CHKB: variants seen among roughly 807,000 people sequenced by gnomAD.
The protein encoded by CHKB is choline kinase beta.
A neutral mutation model predicts 57.3 loss-of-function variants in CHKB; 45 were observed. The observed-to-expected ratio is 0.79, with a 90% CI of 0.62 to 1.01. The LOEUF is 1.01. Ranked by LOEUF, CHKB falls within the 50% of genes least tolerant of loss-of-function variation. The probability of loss-of-function intolerance (pLI) is 0.00; values close to 1 mark genes in which losing one functional copy is unlikely to be tolerated. For missense variants in CHKB, 517 were observed against 502.8 expected (o/e 1.03, Z -0.27); for synonymous variants, 224 against 201.8 (o/e 1.11, Z -0.93).
chr22:50,582,456 C>G, intron 1 of CHKB, 99 bp from the exon 2 acceptor site: 1 of 1,463,692 alleles, frequency 6.8e-7, no homozygotes, highest in East Asian at 2.9e-5. Context: ...GCCCCAGGCG[C>G]GGGCGCAAGA....
Position 50,579,967 on chromosome 22 carries a change from C to A in CHKB, c.927+7G>T. The A allele has an allele frequency of 6.2e-7, 1 of 1,613,630 alleles. No homozygotes were observed. Among genetic ancestry groups the A allele is most frequent in the South Asian group, 1.1e-5 (1 of 91,072 alleles). On this transcript the variant is annotated splice_region_variant and intron_variant, in intron 8 of 10. Transcript: ENST00000406938. ...GGGTCCTGCTCCCCAGCCTCTGGCC[C>A]ACATACCTGCTGTTCTTGAGTGGGG...
Position 50,582,233 on chromosome 22 carries a change from C to A in CHKB, c.333+16G>T. The stretch of plus-strand genomic sequence containing the variant: ...CCCTAAAGCCACTGGTGCTGCGGCG[C>A]TCACACCCCCCTCACCTGCAAGATG... On this transcript the variant is annotated intron_variant, in intron 2 of 10. Coordinates refer to ENST00000406938, the MANE Select transcript of CHKB (RefSeq NM_005198.5). The A allele has an allele frequency of 6.4e-7, 1 of 1,567,044 alleles. No homozygotes were observed.
At position 50,579,963 on chromosome 22, in the gene CHKB, G is replaced by C; in HGVS notation, c.927+11C>G. 1 of 1,612,804 alleles carries C rather than the reference G, an allele frequency of 6.2e-7. No homozygotes were observed. On this transcript the variant is annotated intron_variant, in intron 8 of 10. Coordinates refer to ENST00000406938, the MANE Select transcript of CHKB (RefSeq NM_005198.5). ...GGATGGGTCCTGCTCCCCAGCCTCT[G>C]GCCCACATACCTGCTGTTCTTGAGT...
In CHKB at chr22:50,580,056, C is replaced by T. The variant is rs757635030; in HGVS notation, c.845G>A (p.Cys282Tyr). 2 of 1,614,014 alleles carry T rather than the reference C, an allele frequency of 1.2e-6. No homozygotes were observed. Among genetic ancestry groups the T allele is most frequent in the African/African-American group, 1.3e-5 (1 of 75,046 alleles). ...GTGAGTATAATCATAAACCCACTCA[C>T]AAAAATGGTTCCCAATGTCAAAGCC... is the stretch of plus-strand genomic sequence containing the variant. ...YRGFDIGNHF[C>Y]EWVYDYTHEE... is the part of the protein sequence containing the mutation. Residue 282 changes from cysteine to tyrosine, a missense_variant, in exon 8 of 11, where the codon TGT becomes TAT. Physicochemically the swap from Cys to Tyr is radical, Grantham distance 194. Coordinates refer to ENST00000406938, the MANE Select transcript of CHKB (RefSeq NM_005198.5).
chr22:50,582,434 C>T (rs1320083379), intron 1 of CHKB, 77 bp from the exon 2 acceptor site: 7 of 1,448,568 alleles, frequency 4.8e-6, no homozygotes, highest in South Asian at 4.0e-5. Context: ...CCGGCCAGGC[C>T]GGCCCCGCCC....
intron 2 of CHKB, 80 bp downstream of exon 2, chr22:50,582,169 C>A: frequency 7.7e-7 from 1 of 1,306,530 alleles, no homozygotes. Flanking sequence ...CTCAACTGCG[C>A]AACGGGAACA....
chr22:50,579,887 A>G, intron 8 of CHKB, 57 bp from the exon 9 acceptor site: 1 of 1,595,862 alleles, frequency 6.3e-7, no homozygotes, highest in Non-Finnish European at 8.6e-7. Context: ...TTTCCCAGGT[A>G]ACATCCTTTC....
Position 50,582,284 on chromosome 22 carries a change from C to G in CHKB, c.298G>C (p.Glu100Gln). 6.3e-7 allele frequency: 1 copy of G among 1,594,626 alleles called. No homozygotes were observed. The highest frequency in any genetic ancestry group is 8.5e-7 in the Non-Finnish European group (1 of 1,172,862). Residue 100 changes from glutamate (E) to glutamine (Q), a missense_variant, in exon 2 of 11, where the codon GAG becomes CAG. Physicochemically the swap from Glu to Gln is conservative, Grantham distance 29. Transcript: ENST00000406938. ...HLPSVGEEPR[E>Q]VLLRLYGAIL... is the part of the protein sequence containing the mutation. ...GCTCCGTACAGCCGCAGAAGCACCT[C>G]CCGGGGCTCCTCGCCAACGCTGGGC...
rs1178655230 is a variant in CHKB, at chr22:50,582,820, C to T, written c.-39G>A. 3.3e-6 allele frequency: 5 copies of T among 1,522,008 alleles called. No individual in the cohort carries two copies. The highest frequency in any genetic ancestry group is 4.0e-5 in the Admixed American group (2 of 50,000). The allele number at this position is 1,522,008 out of a possible 1,614,324, so 94.3% of individuals were successfully genotyped here. A position where few individuals can be genotyped will look rare whatever the true frequency, so the allele number is the denominator to read the frequency against. On this transcript the variant is annotated 5_prime_UTR_variant, in exon 1 of 11. Transcript: ENST00000406938. ...CCGGGCCCCAGGCCAGGCTGCGCTCCGCTCCCTTCGGACGGGCTCGGTTCC... is the reference window on the plus strand; with the variant it reads ...CCGGGCCCCAGGCCAGGCTGCGCTCTGCTCCCTTCGGACGGGCTCGGTTCC...
intron 5 of CHKB, 69 bp from the exon 6 acceptor site, chr22:50,580,485 G>A (rs2070666579): frequency 1.2e-5 from 19 of 1,609,030 alleles, no homozygotes; most frequent in Non-Finnish European, 1.6e-5. Flanking sequence ...ACCCTAACAG[G>A]CCAGGCCCTG....
At chr22:50,581,137 C>G (rs1212762117) in intron 4 of CHKB, among the ~76,000 whole-genome samples, 2 of 151,002 alleles carry the variant, frequency 1.3e-5, no homozygotes, top group Non-Finnish European at 3.0e-5. Flanking sequence ...GAGTCTTGCT[C>G]TCACCCAGGC....
chr22:50,579,557 T>C, intron 9 of CHKB, 50 bp from the exon 10 acceptor site: 1 of 1,599,150 alleles, frequency 6.3e-7, no homozygotes, highest in Non-Finnish European at 8.6e-7. Flanking sequence ...TGTCTAGCAC[T>C]GCTTGGATCC....
rs1421945732 is a variant in CHKB, at chr22:50,579,177, G to A, written c.*4C>T. On this transcript the variant is annotated 3_prime_UTR_variant, in exon 11 of 11. Transcript: ENST00000406938. ...GGAGAAATCCAAGGAGTGGGAGGGT[G>A]GAGTCAGGATGAGGAGTGGACACTG... 6.2e-7 allele frequency: 1 copy of A among 1,613,138 alleles called. No individual in the cohort carries two copies. The highest frequency in any genetic ancestry group is 8.5e-7 in the Non-Finnish European group (1 of 1,179,476).
intron 2 of CHKB, 173 bp from the exon 3 acceptor site, chr22:50,582,035 G>C: frequency 1.3e-6 from 1 of 772,114 alleles, no homozygotes; most frequent in Non-Finnish European, 2.3e-6. Context: ...TCACTATGTT[G>C]TCCAGGCTGG....
Position 50,582,644 on chromosome 22 carries a change from C to T in CHKB, c.138G>A (p.Glu46=). The change falls in exon 1 of 11, where the codon GAG becomes GAA. Residue 46 remains glutamate, a synonymous_variant. Transcript: ENST00000406938. ...RRASSLSRDA[E]RRAYQWCREY... is the part of the protein sequence containing the mutation. ...CCCGGCACCATTGGTAGGCTCGGCG[C>T]TCGGCGTCACGCGACAGCGACGAGG... 6.2e-7 allele frequency: 1 copy of T among 1,610,846 alleles called. No individual in the cohort carries two copies. Among genetic ancestry groups the T allele is most frequent in the Non-Finnish European group, 8.5e-7 (1 of 1,179,380 alleles).
intron 3 of CHKB, 30 bp downstream of exon 3, chr22:50,581,718 TG>T: frequency 6.3e-7 from 1 of 1,598,298 alleles, no homozygotes. Context: ...GGAGGTGCCT[TG>T]GGGAGGAGAG....
intron 2 of CHKB, 75 bp downstream of exon 2, chr22:50,582,174 G>A (rs2070705927): frequency 7.4e-7 from 1 of 1,345,206 alleles, no homozygotes; most frequent in South Asian, 1.3e-5. Context: ...CTGCGCAACG[G>A]GAACAATACT....
rs1004350925 is a variant in CHKB, at chr22:50,579,114, G to T, written c.*67C>A. On this transcript the variant is annotated 3_prime_UTR_variant, in exon 11 of 11. Coordinates refer to ENST00000406938, the MANE Select transcript of CHKB (RefSeq NM_005198.5). ...GCCCAGTCGCCAGGGCCTTCTGCTCGTTGTTCCTCCCTCCAAGGTCCTGCC... is the reference window on the plus strand; with the variant it reads ...GCCCAGTCGCCAGGGCCTTCTGCTCTTTGTTCCTCCCTCCAAGGTCCTGCC... The T allele has an allele frequency of 3.4e-6, 5 of 1,487,058 alleles. No individual in the cohort carries two copies. Among genetic ancestry groups the T allele is most frequent in the Non-Finnish European group, 4.6e-6 (5 of 1,077,662 alleles). The allele number at this position is 1,487,058 out of a possible 1,614,324, so 92.1% of individuals were successfully genotyped here.
At position 50,579,445 on chromosome 22, in the gene CHKB, G is replaced by A. The variant is rs765351782; in HGVS notation, c.1094C>T (p.Thr365Ile). The A allele has an allele frequency of 6.2e-7, 1 of 1,613,554 alleles. No homozygotes were observed. Among genetic ancestry groups the A allele is most frequent in the Non-Finnish European group, 8.5e-7 (1 of 1,179,934 alleles). ...ACTTACCAAGTAACCAAATTCTATG[G>A]TGGACATGGATGCCTGGAGGATGGA... The part of the protein sequence containing the change: ...LWSILQASMS[T>I]IEFGYLDYAQ... The change falls in exon 10 of 11, where the codon ACC (threonine) becomes ATC (isoleucine). Residue 365 changes from threonine (T) to isoleucine (I), a missense_variant. By Grantham distance (89) the Thr-to-Ile change is moderately conservative. Transcript: ENST00000406938.
Sources: gnomAD v4.1 joint callset for allele counts (sites outside exome capture counted in the v4.1 genomes callset) on GRCh38, gnomAD v4.1.1 for gene constraint, MANE v1.5 for transcripts, NCBI Gene and HGNC (gene_info 2026-07-23, HGNC 2026-07-21) for gene names.